Variants in INTS10 observed in about 807,000 individuals in gnomAD.
The protein encoded by INTS10 is integrator complex subunit 10.
INTS10 carries 44 observed loss-of-function variants against 94.4 expected under a neutral mutation model. That is an observed-to-expected ratio of 0.47 (90% CI 0.37 to 0.60). The LOEUF (loss-of-function observed/expected upper bound fraction) is 0.60. INTS10 is among the 20% of genes least tolerant of loss of function. INTS10 has a pLI of 0.00. For synonymous variants in INTS10, 341 were observed against 320.7 expected (o/e 1.06, Z -0.68); for missense variants, 797 against 868.7 (o/e 0.92, Z 1.04).
At chr8:19,819,062 C>A (rs999442942) in intron 2 of INTS10, among the ~76,000 whole-genome samples, 6 of 152,158 alleles carry the variant, frequency 3.9e-5, no homozygotes, top group Non-Finnish European at 8.8e-5. Context: ...AATGTGCGAT[C>A]CCAGTCTACA....
rs1290437034 is a variant in INTS10 at position 19,817,609 on chromosome 8, A to C, written c.72A>C (p.Ala24=). 1.2e-6 allele frequency: 2 copies of C among 1,608,698 alleles called. No individual in the cohort carries two copies. Among genetic ancestry groups the C allele is most frequent in the African/African-American group, 2.7e-5 (2 of 74,844 alleles). ...ARELVPQDLW[A]AKAWLITARS... ...AGTTGGTGCCGCAAGACCTGTGGGC[A>C]GCCAAGGCGTGGCTGATCACGGCCC... The change falls in exon 1 of 17, where the codon GCA becomes GCC. Residue 24 remains alanine, a synonymous_variant. Transcript: ENST00000397977.
Position 19,830,555 on chromosome 8 carries a change from C to G in INTS10, c.1290C>G (p.Asp430Glu). The G allele has an allele frequency of 6.2e-7, 1 of 1,610,966 alleles. No homozygotes were observed. Among genetic ancestry groups the G allele is most frequent in the Non-Finnish European group, 8.5e-7 (1 of 1,178,914 alleles). Reference protein sequence around the residue: ...WELLYSLEFLDKEFTRICLAW... With the variant: ...WELLYSLEFLEKEFTRICLAW... ...TGCTCTATTCCCTAGAATTCCTTGA[C>G]AAAGGTAAGAAAGCGCATGTCATTG... The change falls in exon 10 of 17, where the codon GAC becomes GAG. Residue 430 changes from aspartate to glutamate, a missense_variant. Asp to Glu is a conservative substitution (Grantham distance 45). Coordinates refer to ENST00000397977, the MANE Select transcript of INTS10 (RefSeq NM_018142.4).
intron 9 of INTS10, among the ~76,000 whole-genome samples, chr8:19,827,399 T>C (rs1220758451): frequency 6.6e-6 from 1 of 152,220 alleles, no homozygotes; most frequent in African/African-American, 2.4e-5. Flanking sequence ...TTTAATTCTC[T>C]GCAGCATCCT....
chr8:19,819,090 TAA>T (rs1173640432), intron 2 of INTS10, among the ~76,000 whole-genome samples: 7 of 152,234 alleles, frequency 4.6e-5, no homozygotes, highest in African/African-American at 1.7e-4. Flanking sequence ...CAATGGTGTA[TAA>T]AGAGTGTGTT....
chr8:19,839,078 A>G (rs904551521), intron 13 of INTS10, among the ~76,000 whole-genome samples: 1 of 152,134 alleles, frequency 6.6e-6, no homozygotes, highest in African/African-American at 2.4e-5. Context: ...TTTCAAAAAA[A>G]AAACCAAACA....
At chr8:19,833,360 G>A (rs776892310) in intron 12 of INTS10, 39 bp downstream of exon 12, 14 of 1,438,146 alleles carry the variant, frequency 9.7e-6, no homozygotes, top group African/African-American at 2.9e-5. Context: ...GCAGGTGCAC[G>A]GGGCCACCTG....
At chr8:19,832,882 T>A (rs1242485056) in intron 11 of INTS10, among the ~76,000 whole-genome samples, 4 of 152,186 alleles carry the variant, frequency 2.6e-5, no homozygotes, top group Non-Finnish European at 1.5e-5. Context: ...TATATCCAAA[T>A]GTGCTGGATC....
In INTS10 at chr8:19,817,466, GCC is replaced by G; in HGVS notation, c.-71_-70del. 1 of 1,545,406 alleles carries G rather than the reference GCC, an allele frequency of 6.5e-7. No homozygotes were observed. Reference sequence around the variant, plus strand: ...GGTGGCGGCGGCGGCGGCGGTGGCTGCCGTGGCGGCTGAGAGTCCAGAGCCGG... The same window carrying G: ...GGTGGCGGCGGCGGCGGCGGTGGCTGGTGGCGGCTGAGAGTCCAGAGCCGG... On this transcript the variant is annotated 5_prime_UTR_variant, in exon 1 of 17. The change abolishes the stop of an existing upstream ORF in the 5' untranslated region. Transcript: ENST00000397977.
intron 2 of INTS10, 166 bp downstream of exon 2, chr8:19,818,508 T>C (rs2066118936): frequency 8.0e-6 from 5 of 626,072 alleles, no homozygotes; most frequent in South Asian, 7.6e-5. Context: ...ATTGCTGACA[T>C]GGCTTTTGCA....
intron 1 of INTS10, among the ~76,000 whole-genome samples, 172 bp downstream of exon 1, chr8:19,817,838 C>T (rs73590900): frequency 0.022 from 3,299 of 150,960 alleles, 123 homozygotes; most frequent in African/African-American, 0.077. Context: ...CACCTTGCTC[C>T]TACACCTTTC....
chr8:19,837,695 GT>G (rs1396158839), intron 13 of INTS10, among the ~76,000 whole-genome samples: 1 of 152,158 alleles, frequency 6.6e-6, no homozygotes, highest in Non-Finnish European at 1.5e-5. Flanking sequence ...GCTGATCTGA[GT>G]TTGTTAGAAA....
At chr8:19,842,963 A>C (rs769223805) in intron 14 of INTS10, 36 bp downstream of exon 14, 1 of 1,323,682 alleles carries the variant, frequency 7.6e-7, no homozygotes, top group Non-Finnish European at 1.1e-6. Context: ...AAAAAAATGT[A>C]ATTTCAAATA....
chr8:19,822,616 A>G, intron 5 of INTS10, 96 bp downstream of exon 5: 1 of 720,900 alleles, frequency 1.4e-6, no homozygotes, highest in South Asian at 1.8e-5. Flanking sequence ...AAGGCAAAGG[A>G]GCTTTATGTG....
Position 19,832,078 on chromosome 8 carries a change from A to T in INTS10, c.1345A>T (p.Arg449Ter). ...GAAGACGGATACTTGGCTTTGGTTA[A>T]GAATCTTCCTCACTGATATGATCAT... ...AWKTDTWLWL[R>*]IFLTDMIIYQ... The change falls in exon 11 of 17, where the codon AGA becomes TGA. Residue 449 changes from arginine to a stop codon, truncating the protein, a stop_gained. Coordinates refer to ENST00000397977, the MANE Select transcript of INTS10 (RefSeq NM_018142.4). LOFTEE classifies it high-confidence loss of function. 1 of 1,601,298 alleles carries T rather than the reference A, an allele frequency of 6.2e-7. No individual in the cohort carries two copies. The highest frequency in any genetic ancestry group is 8.6e-7 in the Non-Finnish European group (1 of 1,168,206).
At chr8:19,824,106 A>G in intron 7 of INTS10, 62 bp downstream of exon 7, 1 of 1,401,552 alleles carries the variant, frequency 7.1e-7, no homozygotes, top group South Asian at 1.4e-5. Flanking sequence ...TAAAAACAAA[A>G]TCATGCTTTT....
In INTS10 at chr8:19,843,021, T is replaced by C. The variant is rs2068262554; in HGVS notation, c.1719+94T>C. 5.5e-6 allele frequency: 5 copies of C among 901,992 alleles called. No homozygotes were observed. The Admixed American group carries it at 9.2e-5, about 17-fold the overall frequency. 55.9% of individuals were successfully genotyped at this position (901,992 alleles called of 1,614,324 possible). ...TGAGAACCTTGCTAAGGATTGTTAT[T>C]TTAGTACTTTTGAGGGCAGGCCCAA... On this transcript the variant is annotated intron_variant, in intron 14 of 16. Coordinates refer to ENST00000397977, the MANE Select transcript of INTS10 (RefSeq NM_018142.4). This position sits in a 1 kb window ranked among gnomAD's most constrained non-coding sequence, Gnocchi z 4.7.
chr8:19,817,681 G>A lies in INTS10; in HGVS notation c.129+15G>A, dbSNP rs774821219. ...TTAACATCCAGGTGAGGTCCCGGCTGTGCATGCGGCCGCTCTGCGTGGAGG... is the reference window on the plus strand; with the variant it reads ...TTAACATCCAGGTGAGGTCCCGGCTATGCATGCGGCCGCTCTGCGTGGAGG... On this transcript the variant is annotated intron_variant, in intron 1 of 16. Transcript: ENST00000397977. The A allele has an allele frequency of 6.3e-7, 1 of 1,599,266 alleles. No homozygotes were observed. The highest frequency in any genetic ancestry group is 8.5e-7 in the Non-Finnish European group (1 of 1,173,810).
At position 19,832,119 on chromosome 8, in the gene INTS10, T is replaced by C. The variant is rs767785595; in HGVS notation, c.1377+9T>C. ...ATATGATCATCTATCAGGTAGAGTA[T>C]TATACATATTTTAGGTACCTGTGTC... On this transcript the variant is annotated intron_variant, in intron 11 of 16. Coordinates refer to ENST00000397977, the MANE Select transcript of INTS10 (RefSeq NM_018142.4). 10 of 1,462,402 alleles carry C rather than the reference T, an allele frequency of 6.8e-6. No homozygotes were observed. In the African/African-American group the frequency reaches 1.4e-4, roughly 20 times the overall value. The allele number at this position is 1,462,402 out of a possible 1,614,324, so 90.6% of individuals were successfully genotyped here.
chr8:19,851,888 C>A lies in INTS10; in HGVS notation c.*83C>A. 2 of 1,251,730 alleles carry A rather than the reference C, an allele frequency of 1.6e-6. No individual in the cohort carries two copies. The highest frequency in any genetic ancestry group is 2.0e-5 in the Admixed American group (1 of 50,482). The allele number at this position is 1,251,730 out of a possible 1,614,324, so 77.5% of individuals were successfully genotyped here. On this transcript the variant is annotated 3_prime_UTR_variant, in exon 17 of 17. Coordinates refer to ENST00000397977, the MANE Select transcript of INTS10 (RefSeq NM_018142.4). This position sits in a 1 kb window ranked among gnomAD's most constrained non-coding sequence, Gnocchi z 5.0. Reference sequence around the variant, plus strand: ...CAGCAGTGATTGCCATGGCACAGAGCCGTGGTCATTGTTGCTGTTACAAAG... The same window carrying A: ...CAGCAGTGATTGCCATGGCACAGAGACGTGGTCATTGTTGCTGTTACAAAG...
Sources: allele counts gnomAD v4.1 joint callset (sites outside exome capture counted in the v4.1 genomes callset), GRCh38; gene constraint gnomAD v4.1.1; non-coding constraint Gnocchi (gnomAD v3.1); transcripts MANE v1.5; gene names NCBI Gene and HGNC (gene_info 2026-07-23, HGNC 2026-07-21).